PHC3: variants seen among roughly 807,000 people sequenced by gnomAD.
PHC3 encodes polyhomeotic-like protein 3.
In PHC3, 13 loss-of-function variants were observed where a neutral mutation model predicts 107.4. That is an observed-to-expected ratio of 0.12 (90% confidence interval 0.08 to 0.19). The LOEUF (loss-of-function observed/expected upper bound fraction) is 0.19, where lower values mean the gene tolerates loss of function less well. PHC3 is among the 10% of genes least tolerant of loss of function. The pLI is 1.00. For synonymous variants in PHC3, 456 were observed against 427.4 expected (o/e 1.07, Z -0.83); for missense variants, 992 against 1,210.9 (o/e 0.82, Z 2.68).
chr3:170,132,504 T>C (rs971380089), intron 7 of PHC3, among the ~76,000 whole-genome samples: 6 of 152,160 alleles, frequency 3.9e-5, no homozygotes, highest in Admixed American at 3.9e-4. Context: ...AATGAGGTCA[T>C]AGGGTGGGGC....
chr3:170,102,283 G>A (rs906413540), intron 14 of PHC3, 196 bp downstream of exon 14: 1 of 985,262 alleles, frequency 1.0e-6, no homozygotes, highest in Non-Finnish European at 1.2e-6. Flanking sequence ...GACTTGGGGG[G>A]TATGAGAAAA....
At position 170,088,862 on chromosome 3, in the gene PHC3, C is replaced by A. The variant is rs1177174334; in HGVS notation, c.*8368G>T. On this transcript the variant is annotated 3_prime_UTR_variant, in exon 15 of 15. Coordinates refer to ENST00000495893, the MANE Select transcript of PHC3 (RefSeq NM_024947.4). ...ACCCAACAGTTTATATGGATATTTT[C>A]CTGCTTTAAAAAGCTGCAACAGGCT... 2 of 152,228 alleles carry A rather than the reference C, an allele frequency of 1.3e-5. No individual in the cohort carries two copies. The highest frequency in any genetic ancestry group is 2.4e-5 in the African/African-American group (1 of 41,416). The allele number at this position is 152,228 out of a possible 1,614,324, so 9.4% of individuals were successfully genotyped here. A position where few individuals can be genotyped will look rare whatever the true frequency, so the allele number is the denominator to read the frequency against.
intron 11 of PHC3, among the ~76,000 whole-genome samples, chr3:170,110,066 A>C (rs1445107300): frequency 6.6e-6 from 1 of 152,116 alleles, no homozygotes; most frequent in African/African-American, 2.4e-5. Context: ...CTCTGATATC[A>C]TATCCTGCTG....
intron 7 of PHC3, among the ~76,000 whole-genome samples, chr3:170,133,653 G>T (rs1258929831): frequency 6.6e-6 from 1 of 152,094 alleles, no homozygotes; most frequent in Non-Finnish European, 1.5e-5. Context: ...AAGGAAAATT[G>T]GAGTATATGT....
At chr3:170,177,206 T>C (rs1011219327) in intron 2 of PHC3, among the ~76,000 whole-genome samples, 1 of 152,160 alleles carries the variant, frequency 6.6e-6, no homozygotes, top group Non-Finnish European at 1.5e-5. Flanking sequence ...TAAGTCTATA[T>C]TTTGAGTTCC....
chr3:170,161,569 C>T (rs1404549982), intron 4 of PHC3, among the ~76,000 whole-genome samples: 8 of 152,332 alleles, frequency 5.3e-5, no homozygotes, highest in African/African-American at 1.7e-4. Context: ...TGACAGGAGG[C>T]AGAGCTCAGG....
intron 4 of PHC3, among the ~76,000 whole-genome samples, chr3:170,161,838 G>C (rs1017088750): frequency 6.6e-6 from 1 of 152,068 alleles, no homozygotes; most frequent in Middle Eastern, 3.2e-3. Context: ...TCTCTTCTTC[G>C]AATCAGTTCT....
intron 5 of PHC3, among the ~76,000 whole-genome samples, chr3:170,146,112 T>C (rs553843034): frequency 6.6e-6 from 1 of 152,286 alleles, no homozygotes; most frequent in African/African-American, 2.4e-5. Flanking sequence ...TGGTGGCTCA[T>C]GCCTGTAATC....
chr3:170,088,357 T>C lies in PHC3; in HGVS notation c.*8873A>G, dbSNP rs999764339. Reference sequence around the variant, plus strand: ...TCACAACAATTGGTCTTTGCTAAAATTAACAAAATTTTAATAAGCAAGACG... The same window carrying C: ...TCACAACAATTGGTCTTTGCTAAAACTAACAAAATTTTAATAAGCAAGACG... On this transcript the variant is annotated 3_prime_UTR_variant, in exon 15 of 15. Coordinates refer to ENST00000495893, the MANE Select transcript of PHC3 (RefSeq NM_024947.4). 1 of 152,146 alleles carries C rather than the reference T, an allele frequency of 6.6e-6. No homozygotes were observed. The highest frequency in any genetic ancestry group is 1.5e-5 in the Non-Finnish European group (1 of 68,004). 9.4% of individuals were successfully genotyped at this position (152,146 alleles called of 1,614,324 possible). A position where few individuals can be genotyped will look rare whatever the true frequency, so the allele number is the denominator to read the frequency against.
Position 170,102,556 on chromosome 3 carries a change from T to G in PHC3, c.2756A>C (p.Asp919Ala). 3.7e-6 allele frequency: 6 copies of G among 1,613,898 alleles called. No individual in the cohort carries two copies. Among genetic ancestry groups the G allele is most frequent in the Non-Finnish European group, 5.1e-6 (6 of 1,179,838 alleles). The change falls in exon 14 of 15, where the codon GAC becomes GCC. Residue 919 changes from aspartate (D) to alanine (A), a missense_variant. Physicochemically the swap from Asp to Ala is moderately radical, Grantham distance 126. Transcript: ENST00000495893. The stretch of plus-strand genomic sequence containing the variant: ...CTCTGTTTGTGCAACTGGTAGCAAG[T>G]CACTGTTCTCAGGCATTTTCCGAAT... Reference protein sequence around the residue: ...VRIRKMPENSDLLPVAQTEPS... With the variant: ...VRIRKMPENSALLPVAQTEPS...
intron 4 of PHC3, among the ~76,000 whole-genome samples, chr3:170,162,838 C>T (rs1728102149): frequency 6.6e-6 from 1 of 152,178 alleles, no homozygotes; most frequent in Admixed American, 6.5e-5. Flanking sequence ...CTCCCACTCT[C>T]ACATTCCACT....
rs767914326 is a variant in PHC3, at chr3:170,149,197, G to C, written c.462C>G (p.Ser154=). The part of the protein sequence containing the change: ...SPTPAQLISR[S]QASSSTSGSI... ...TGCCGCTGGTAGAACTGGAAGCCTG[G>C]GAACGGCTTATTAACTGTGCAGGTG... Residue 154 remains serine, a synonymous_variant, in exon 5 of 15, where the codon TCC becomes TCG. Coordinates refer to ENST00000495893, the MANE Select transcript of PHC3 (RefSeq NM_024947.4). 4 of 1,613,016 alleles carry C rather than the reference G, an allele frequency of 2.5e-6. No homozygotes were observed. The highest frequency in any genetic ancestry group is 2.5e-6 in the Non-Finnish European group (3 of 1,179,792).
In PHC3 at chr3:170,128,234, A is replaced by C. The variant is rs150870114; in HGVS notation, c.1788+450T>G. On this transcript the variant is annotated intron_variant, in intron 8 of 14. Coordinates refer to ENST00000495893, the MANE Select transcript of PHC3 (RefSeq NM_024947.4). Reference sequence around the variant, plus strand: ...CTCCAACTTGAAACAAAATCCCCTAAAAGCCCAAGACTCTAGGATGCATAA... The same window carrying C: ...CTCCAACTTGAAACAAAATCCCCTACAAGCCCAAGACTCTAGGATGCATAA... The C allele has an allele frequency of 1.7e-4, 74 of 447,512 alleles. 3 individuals are homozygous for C. The East Asian group carries it at 9.1e-3, about 55-fold the overall frequency. 27.7% of individuals were successfully genotyped at this position (447,512 alleles called of 1,614,324 possible). A position where few individuals can be genotyped will look rare whatever the true frequency, so the allele number is the denominator to read the frequency against.
At position 170,094,353 on chromosome 3, in the gene PHC3, T is replaced by C. The variant is rs112305365; in HGVS notation, c.*2877A>G. The C allele has an allele frequency of 9.2e-5, 14 of 152,354 alleles. No individual in the cohort carries two copies. The highest frequency in any genetic ancestry group is 2.1e-4 in the South Asian group (1 of 4,830). The allele number at this position is 152,354 out of a possible 1,614,324, so 9.4% of individuals were successfully genotyped here. ...GGCTTAAAGCAAAATTTCAAACTTA[T>C]GCTTTTTATCCCAATGGGACAAAGA... is the stretch of plus-strand genomic sequence containing the variant. On this transcript the variant is annotated 3_prime_UTR_variant, in exon 15 of 15. Transcript: ENST00000495893.
In PHC3 at chr3:170,146,760, T is replaced by C. The variant is rs527422380; in HGVS notation, c.574-1239A>G. ...GTTGGCCAGGCTGGTCTCGAACTCC[T>C]GACCTCAAGTGATCCGCCCACCTCA... is the stretch of plus-strand genomic sequence containing the variant. On this transcript the variant is annotated intron_variant, in intron 5 of 14. Transcript: ENST00000495893. Among the ~76,000 whole-genome samples, 10 of 151,854 alleles carry C rather than the reference T, an allele frequency of 6.6e-5. No individual in the cohort carries two copies. In the South Asian group the frequency reaches 2.1e-3, roughly 32 times the overall value.
intron 9 of PHC3, among the ~76,000 whole-genome samples, chr3:170,118,193 T>C (rs1719428832): frequency 6.6e-6 from 1 of 152,208 alleles, no homozygotes; most frequent in African/African-American, 2.4e-5. Context: ...GTGGAGTACT[T>C]TGAAAGTATG....
At chr3:170,115,866 AT>A (rs1010831214) in intron 10 of PHC3, among the ~76,000 whole-genome samples, 2 of 129,698 alleles carry the variant, frequency 1.5e-5, no homozygotes, top group African/African-American at 6.1e-5. Flanking sequence ...GTTATAGGAA[AT>A]CCAAGTTTCT....
At chr3:170,150,717 GAGAAAAGA>G (rs1725807441) in intron 4 of PHC3, 1 of 422,340 alleles carries the variant, frequency 2.4e-6, no homozygotes. Flanking sequence ...CATCTAAAAA[GAGAAAAGA>G]AAAAAAGAAA....
At chr3:170,130,485 GTTAA>G (rs1287905178) in intron 7 of PHC3, among the ~76,000 whole-genome samples, 4 of 152,270 alleles carry the variant, frequency 2.6e-5, no homozygotes, top group East Asian at 1.9e-4. Context: ...CTGTAGCACA[GTTAA>G]TTAATCACTG....
Sources: gnomAD v4.1 joint callset for allele counts (sites outside exome capture counted in the v4.1 genomes callset) on GRCh38, gnomAD v4.1.1 for gene constraint, MANE v1.5 for transcripts, NCBI Gene and HGNC (gene_info 2026-07-23, HGNC 2026-07-21) for gene names.